HS1BP3: variants seen among roughly 807,000 people sequenced by gnomAD.
HS1BP3 encodes the protein HCLS1 binding protein 3, also known as HCLS1-binding protein 3.
Under a neutral mutation model 33.5 loss-of-function variants are expected in HS1BP3, and 32 were observed. The ratio of observed to expected loss-of-function variants is 0.95; its 90% CI spans 0.72 to 1.28. The LOEUF is 1.28. Ranked by LOEUF, HS1BP3 falls within the 50% of genes most tolerant of loss-of-function variation. The pLI, the probability that HS1BP3 is intolerant of heterozygous loss-of-function variation, is 0.00. For synonymous variants in HS1BP3, 187 were observed against 209.2 expected, an observed-to-expected ratio of 0.89 and a Z score of 0.92; for missense variants, 486 against 502.3, an observed-to-expected ratio of 0.97 and a Z score of 0.31.
intron 2 of HS1BP3, among the ~76,000 whole-genome samples, chr2:20,643,400 T>A (rs7564456): frequency 0.26 from 38,899 of 152,108 alleles, 5,159 homozygotes; most frequent in Non-Finnish European, 0.3. Context: ...TCTCCTCTTC[T>A]GCTCCTGTCT....
rs1693234690 is a variant in HS1BP3, at chr2:20,570,252, C to T, written c.303-9737G>A. Among the ~76,000 whole-genome samples the T allele has an allele frequency of 2.6e-5, 4 of 152,192 alleles. No homozygotes were observed. The South Asian group carries it at 8.3e-4, about 31-fold the overall frequency. On this transcript the variant is annotated intron_variant, in intron 5 of 5. Transcript: ENST00000446825. ...TCCCGCTTCTGTTTTAAAGCACTAT[C>T]TCCTGACTCCTGGGGTAAACATTTT...
intron 2 of HS1BP3, 92 bp downstream of exon 2, chr2:20,645,248 C>A: frequency 7.5e-7 from 1 of 1,325,364 alleles, no homozygotes; most frequent in South Asian, 1.4e-5. Flanking sequence ...AGCACTTGCT[C>A]TGGATGCTAC....
chr2:20,642,792 G>A (rs1695397915), intron 2 of HS1BP3, among the ~76,000 whole-genome samples: 1 of 152,356 alleles, frequency 6.6e-6, no homozygotes, highest in East Asian at 1.9e-4. Context: ...AAGAGACCCT[G>A]AGCAGAGGAA....
At chr2:20,649,632 G>C (rs1407058743) in intron 1 of HS1BP3, among the ~76,000 whole-genome samples, 1 of 152,240 alleles carries the variant, frequency 6.6e-6, no homozygotes, top group Non-Finnish European at 1.5e-5. Flanking sequence ...ATTCAAGCTT[G>C]AGTGCATGTG....
chr2:20,631,389 C>G (rs552747532), intron 4 of HS1BP3, among the ~76,000 whole-genome samples: 1 of 151,698 alleles, frequency 6.6e-6, no homozygotes, highest in Non-Finnish European at 1.5e-5. Flanking sequence ...GTAGTGCATG[C>G]CTGTAGTTCC....
chr2:20,638,675 A>C, intron 3 of HS1BP3, 23 bp from the exon 4 acceptor site: 1 of 1,595,606 alleles, frequency 6.3e-7, no homozygotes, highest in Non-Finnish European at 8.6e-7. Context: ...ACAGAAAAGA[A>C]TGGACTTGGT....
chr2:20,594,100 T>C (rs539396657), intron 3 of HS1BP3, among the ~76,000 whole-genome samples: 1 of 152,342 alleles, frequency 6.6e-6, no homozygotes, highest in Admixed American at 6.5e-5. Context: ...ATGGCTACAA[T>C]AGCTTGCATC....
At chr2:20,589,822 C>T (rs961399301), downstream of HS1BP3, among the ~76,000 whole-genome samples, 2 of 152,012 alleles carry the variant, frequency 1.3e-5, no homozygotes, top group Non-Finnish European at 2.9e-5. Context: ...AGGGAGACTC[C>T]TCACAGCTGG....
At chr2:20,639,241 T>C in intron 3 of HS1BP3, among the ~76,000 whole-genome samples, 1 of 152,188 alleles carries the variant, frequency 6.6e-6, no homozygotes, top group East Asian at 1.9e-4. Flanking sequence ...TGAGCGCTTC[T>C]TGAAGTGTGG....
intron 2 of HS1BP3, among the ~76,000 whole-genome samples, chr2:20,641,486 C>G (rs1460807763): frequency 6.6e-6 from 1 of 152,228 alleles, no homozygotes; most frequent in Non-Finnish European, 1.5e-5. Context: ...TGCACGTGAT[C>G]AGGGCCACTG....
chr2:20,634,441 A>C (rs902725632), intron 4 of HS1BP3, among the ~76,000 whole-genome samples: 7 of 152,216 alleles, frequency 4.6e-5, no homozygotes, highest in Non-Finnish European at 1.0e-4. Flanking sequence ...TGGTGGCATC[A>C]GGGGAGCCCT....
intron 5 of HS1BP3, among the ~76,000 whole-genome samples, chr2:20,579,556 C>T (rs1693483154): frequency 1.3e-5 from 2 of 152,206 alleles, no homozygotes; most frequent in Middle Eastern, 3.4e-3. Context: ...GCCTTGGAAG[C>T]CCCCCGGCAT....
At chr2:20,558,319 T>C (rs545708366), downstream of HS1BP3, among the ~76,000 whole-genome samples, 4 of 152,258 alleles carry the variant, frequency 2.6e-5, no homozygotes, top group African/African-American at 9.6e-5. Flanking sequence ...ACCACCTACT[T>C]GGCTTCCAGG....
intron 1 of HS1BP3, among the ~76,000 whole-genome samples, chr2:20,649,598 T>C (rs1695623695): frequency 6.6e-6 from 1 of 152,336 alleles, no homozygotes; most frequent in South Asian, 2.1e-4. Context: ...CAGAGAAGGC[T>C]CTCGATAAAC....
chr2:20,598,241 T>C, exon 3 of HS1BP3: 1 of 423,604 alleles, frequency 2.4e-6, no homozygotes. Context: ...CCTGAGCTTG[T>C]TTGCCTGCAA....
At chr2:20,592,070 T>G (rs1031598935), downstream of HS1BP3, among the ~76,000 whole-genome samples, 1 of 152,126 alleles carries the variant, frequency 6.6e-6, no homozygotes, top group Admixed American at 6.5e-5. Flanking sequence ...GCTTCTAGGC[T>G]GGGGTGAAGG....
chr2:20,618,840 C>A lies in HS1BP3; in HGVS notation c.*147G>T, dbSNP rs1183788170. The A allele has an allele frequency of 2.1e-6, 3 of 1,428,076 alleles. No homozygotes were observed. The highest frequency in any genetic ancestry group is 1.8e-6 in the Non-Finnish European group (2 of 1,095,050). 88.5% of individuals were successfully genotyped at this position (1,428,076 alleles called of 1,614,324 possible). A position where few individuals can be genotyped will look rare whatever the true frequency, so the allele number is the denominator to read the frequency against. ...CCCCACAGCCCCGGAGAAAATGGAA[C>A]CATGCAGTTCTGGGTGCTGTGACCC... On this transcript the variant is annotated 3_prime_UTR_variant, in exon 7 of 7. Coordinates refer to ENST00000304031, the MANE Select transcript of HS1BP3 (RefSeq NM_022460.4).
At chr2:20,606,686 C>T (rs1390542087) in intron 2 of HS1BP3, 2 of 306,186 alleles carry the variant, frequency 6.5e-6, no homozygotes, top group Non-Finnish European at 1.3e-5. Context: ...GTGAACGCTA[C>T]AGCCTCGCTA....
intron 5 of HS1BP3, among the ~76,000 whole-genome samples, chr2:20,585,182 C>T (rs1030007498): frequency 6.6e-6 from 1 of 152,154 alleles, no homozygotes; most frequent in Admixed American, 6.6e-5. Context: ...GTTGACAAGT[C>T]GATGGTTCTC....
Sources: gnomAD v4.1 joint callset for allele counts (sites outside exome capture counted in the v4.1 genomes callset) on GRCh38, gnomAD v4.1.1 for gene constraint, MANE v1.5 for transcripts, NCBI Gene and HGNC (gene_info 2026-07-23, HGNC 2026-07-21) for gene names.